The following ZP2 variants were observed in gnomAD, a reference collection of about 807,000 sequenced individuals.
ZP2 encodes zona pellucida sperm-binding protein 2.
A neutral mutation model predicts 84.0 loss-of-function variants in ZP2; 51 were observed. The ratio of observed to expected loss-of-function variants is 0.61; its 90% confidence interval spans 0.49 to 0.77. ZP2 has a LOEUF of 0.77. Among genes scored for constraint, ZP2 ranks in the 30% least tolerant of loss-of-function variants. The pLI, the probability that ZP2 is intolerant of heterozygous loss-of-function variation, is 0.00. For synonymous variants in ZP2, 375 were observed against 330.9 expected, an observed-to-expected ratio of 1.13 and a Z score of -1.45; for missense variants, 909 against 911.9, an observed-to-expected ratio of 1.00 and a Z score of 0.04.
rs772911474 is a variant in ZP2 at position 21,198,760 on chromosome 16, C to A, written c.2011+19G>T. 3 of 1,611,696 alleles carry A rather than the reference C, an allele frequency of 1.9e-6. No individual in the cohort carries two copies. Among genetic ancestry groups the A allele is most frequent in the African/African-American group, 1.3e-5 (1 of 74,898 alleles). ...TAAGAACTTGAATCCAGGAAGTACT[C>A]CAGGCTTTAGGTCCATACCTCTGAA... On this transcript the variant is annotated intron_variant, in intron 17 of 18. Transcript: ENST00000574091.
rs141607027 is a variant in ZP2, at chr16:21,201,422, C to A, written c.1641G>T (p.Ala547=). Residue 547 remains alanine, a synonymous_variant, in exon 14 of 19, where the codon GCG becomes GCT. Transcript: ENST00000574091. ...AAGAGTCTGGATCCATGGTGGACGT[C>A]GCCCAGCAGTCATCTAAGACCAGCT... The part of the protein sequence containing the change: ...NIKLVLDDCW[A]TSTMDPDSFP... 5 of 1,608,718 alleles carry A rather than the reference C, an allele frequency of 3.1e-6. No individual in the cohort carries two copies. The highest frequency in any genetic ancestry group is 4.2e-6 in the Non-Finnish European group (5 of 1,177,402).
In ZP2 at chr16:21,202,215, G is replaced by A. The variant is rs1376780059; in HGVS notation, c.1176C>T (p.Asp392=). 1.9e-6 allele frequency: 3 copies of A among 1,581,380 alleles called. No homozygotes were observed. Among genetic ancestry groups the A allele is most frequent in the Non-Finnish European group, 2.6e-6 (3 of 1,171,010 alleles). The part of the protein sequence containing the change: ...VYSYQTQPAL[D]LGTLRVGNSS... ...AGTTTCCCACCCTCAGAGTACCCAGGTCAAGAGCTGGTTGTGTTTGGTAGC... is the reference window on the plus strand; with the variant it reads ...AGTTTCCCACCCTCAGAGTACCCAGATCAAGAGCTGGTTGTGTTTGGTAGC... The change falls in exon 11 of 19, where the codon GAC becomes GAT. Residue 392 remains aspartate, a synonymous_variant. Coordinates refer to ENST00000574091, the MANE Select transcript of ZP2 (RefSeq NM_001376232.1).
intron 13 of ZP2, 71 bp from the exon 14 acceptor site, chr16:21,201,629 T>C: frequency 6.2e-7 from 1 of 1,609,812 alleles, no homozygotes; most frequent in South Asian, 1.1e-5. Context: ...GCTCCATTAG[T>C]CTGGCAGTAT....
chr16:21,214,263 G>C (rs11861135), upstream of ZP2: 105,294 of 984,800 alleles, frequency 0.11, 6,348 homozygotes, highest in East Asian at 0.41. Context: ...GACAGCCACC[G>C]AACAAATGGC....
At position 21,197,752 on chromosome 16, in the gene ZP2, T is replaced by C; in HGVS notation, c.2095+14A>G. The C allele has an allele frequency of 6.2e-7, 1 of 1,614,096 alleles. No homozygotes were observed. Among genetic ancestry groups the C allele is most frequent in the Non-Finnish European group, 8.5e-7 (1 of 1,179,952 alleles). On this transcript the variant is annotated intron_variant, in intron 18 of 18. Transcript: ENST00000574091. ...AGGCTTATTTCAGAAGTTTGCAACA[T>C]TGAATAAACTTACCTCGTGAGCCAA...
In ZP2 at chr16:21,202,142, AC is replaced by A. The variant is rs1220829566; in HGVS notation, c.1248del (p.Phe417SerfsTer5). On this transcript the variant is annotated frameshift_variant, in exon 11 of 19. Coordinates refer to ENST00000574091, the MANE Select transcript of ZP2 (RefSeq NM_001376232.1). LOFTEE classifies it high-confidence loss of function. ...VFEAQSQGLV[R>X]FHIPLNGCGT... is the part of the protein sequence containing the mutation. ...CCACATCCATTCAGGGGTATGTGGA[AC>A]CGTACCAGCCCCTGAGACTGAGCCT... 1 of 1,612,006 alleles carries A rather than the reference AC, an allele frequency of 6.2e-7. No individual in the cohort carries two copies.
At chr16:21,202,367 A>G in intron 10 of ZP2, 76 bp from the exon 11 acceptor site, 1 of 1,305,114 alleles carries the variant, frequency 7.7e-7, no homozygotes, top group Non-Finnish European at 1.0e-6. Context: ...CTGATATGCT[A>G]CGAGGGAGAA....
chr16:21,207,846 C>T (rs1312893637), intron 4 of ZP2, among the ~76,000 whole-genome samples: 2 of 151,422 alleles, frequency 1.3e-5, no homozygotes, highest in Non-Finnish European at 2.9e-5. Context: ...ACAGCAAGAC[C>T]CTGTCTCAAG....
chr16:21,199,811 C>A lies in ZP2; in HGVS notation c.1762G>T (p.Asp588Tyr). The A allele has an allele frequency of 7.4e-6, 12 of 1,613,836 alleles. 1 individual carries two copies. The South Asian group carries it at 1.2e-4, about 16-fold the overall frequency. Residue 588 changes from aspartate to tyrosine, a missense_variant, in exon 15 of 19, where the codon GAT (aspartate) becomes TAT (tyrosine). By Grantham distance (160) the Asp-to-Tyr change is radical. Coordinates refer to ENST00000574091, the MANE Select transcript of ZP2 (RefSeq NM_001376232.1). ...TTCATGTCAAACCTCTGATAGTGAT[C>A]AGGATGGGTCACAGAGGAGCCGACT... ...HPVGSSVTHP[D>Y]HYQRFDMKAF...
In ZP2 at chr16:21,203,188, G is replaced by A. The variant is rs531980914; in HGVS notation, c.1036C>T (p.Arg346Trp). Reference sequence around the variant, plus strand: ...ATCACCATGGATACTGTCTCTGGCCGAAGGAGAAAGGTCAGCTTGAGTGAA... The same window carrying A: ...ATCACCATGGATACTGTCTCTGGCCAAAGGAGAAAGGTCAGCTTGAGTGAA... The part of the protein sequence containing the change: ...LASLKLTFLL[R>W]PETVSMVIYP... Residue 346 changes from arginine to tryptophan, a missense_variant, in exon 10 of 19, where the codon CGG becomes TGG. Transcript: ENST00000574091. 10 of 1,613,938 alleles carry A rather than the reference G, an allele frequency of 6.2e-6. No individual in the cohort carries two copies. Among genetic ancestry groups the A allele is most frequent in the Admixed American group, 3.3e-5 (2 of 60,008 alleles).
Position 21,211,503 on chromosome 16 carries a change from C to A in ZP2, c.45G>T (p.Trp15Cys). The A allele has an allele frequency of 6.2e-7, 1 of 1,614,202 alleles. No individual in the cohort carries two copies. Among genetic ancestry groups the A allele is most frequent in the South Asian group, 1.1e-5 (1 of 91,086 alleles). ...QRGGSWSPSG[W>C]FNAGWSTYRS... ...TTACTCACCTCCAGCCTGCATTGAA[C>A]CAGCCTGAGGGACTCCAAGAGCCTC... is the stretch of plus-strand genomic sequence containing the variant. Residue 15 changes from tryptophan (W) to cysteine (C), a missense_variant, in exon 1 of 19, where the codon TGG (tryptophan) becomes TGT (cysteine). By Grantham distance (215) the Trp-to-Cys change is radical (BLOSUM62 -2). Coordinates refer to ENST00000574091, the MANE Select transcript of ZP2 (RefSeq NM_001376232.1).
intron 7 of ZP2, among the ~76,000 whole-genome samples, chr16:21,204,883 C>T (rs1176109562): frequency 6.6e-6 from 1 of 152,166 alleles, no homozygotes; most frequent in East Asian, 1.9e-4. Context: ...AGGACAATGA[C>T]AACCCAAACA....
In ZP2 at chr16:21,209,915, A is replaced by G; in HGVS notation, c.236-190T>C. The G allele has an allele frequency of 1.0e-5, 7 of 692,548 alleles. No homozygotes were observed. In the South Asian group the frequency reaches 1.1e-4, roughly 11 times the overall value. 42.9% of individuals were successfully genotyped at this position (692,548 alleles called of 1,614,324 possible). A position where few individuals can be genotyped will look rare whatever the true frequency, so the allele number is the denominator to read the frequency against. Reference sequence around the variant, plus strand: ...CCAGAGGCTTCCCAGAGATGCTGGCATAAGACACACTTTCGAAGACAGACA... The same window carrying G: ...CCAGAGGCTTCCCAGAGATGCTGGCGTAAGACACACTTTCGAAGACAGACA... On this transcript the variant is annotated intron_variant, in intron 3 of 18. Coordinates refer to ENST00000574091, the MANE Select transcript of ZP2 (RefSeq NM_001376232.1).
chr16:21,204,481 G>A, intron 7 of ZP2, 77 bp from the exon 8 acceptor site: 2 of 1,205,858 alleles, frequency 1.7e-6, no homozygotes, highest in South Asian at 1.4e-5. Context: ...ATCTTGGCAA[G>A]TATATATCCA....
upstream of ZP2, among the ~76,000 whole-genome samples, chr16:21,214,064 T>G (rs1242358300): frequency 6.6e-6 from 1 of 151,716 alleles, no homozygotes; most frequent in Non-Finnish European, 1.5e-5. Flanking sequence ...GAGCGGGAAG[T>G]TTTTGCCTTG....
intron 5 of ZP2, among the ~76,000 whole-genome samples, chr16:21,206,262 G>T (rs576856030): frequency 6.6e-6 from 1 of 152,168 alleles, no homozygotes; most frequent in Non-Finnish European, 1.5e-5. Flanking sequence ...CTCCCAAATT[G>T]CTGGGATTAC....
chr16:21,209,271 G>A (rs1456280005), intron 4 of ZP2, among the ~76,000 whole-genome samples: 2 of 152,118 alleles, frequency 1.3e-5, no homozygotes, highest in East Asian at 1.9e-4. Flanking sequence ...GGGTTTAAGC[G>A]ATTCTCCTGC....
chr16:21,209,257 C>T (rs1236374296), intron 4 of ZP2, among the ~76,000 whole-genome samples: 1 of 152,088 alleles, frequency 6.6e-6, no homozygotes, highest in Admixed American at 6.6e-5. Context: ...AACCTCTGTC[C>T]CCTGGGTTTA....
chr16:21,201,866 T>C (rs752964675), intron 12 of ZP2, 36 bp from the exon 13 acceptor site: 9 of 1,612,704 alleles, frequency 5.6e-6, no homozygotes, highest in Non-Finnish European at 7.6e-6. Context: ...GTACAGAAAA[T>C]TTCAGGTTAA....
Sources: gnomAD v4.1 joint callset for allele counts (sites outside exome capture counted in the v4.1 genomes callset) on GRCh38, gnomAD v4.1.1 for gene constraint, MANE v1.5 for transcripts, NCBI Gene and HGNC (gene_info 2026-07-23, HGNC 2026-07-21) for gene names.